The following PDE10A variants were observed in gnomAD, a reference collection of about 807,000 sequenced individuals.
PDE10A encodes cAMP and cAMP-inhibited cGMP 3',5'-cyclic phosphodiesterase 10A.
Under a neutral mutation model 97.7 loss-of-function variants are expected in PDE10A, and 39 were observed. The observed-to-expected ratio is 0.40, with a 90% CI of 0.31 to 0.52. The LOEUF (loss-of-function observed/expected upper bound fraction) is 0.52. Ranked by LOEUF, PDE10A falls within the 20% of genes least tolerant of loss-of-function variation. The pLI, the probability that PDE10A is intolerant of heterozygous loss-of-function variation, is 0.56. For synonymous variants in PDE10A, 371 were observed against 376.8 expected (o/e 0.98, Z 0.18); for missense variants, 731 against 1,047.8 (o/e 0.70, Z 4.17).
At chr6:165,497,440 A>G (rs2128292465) in intron 2 of PDE10A, among the ~76,000 whole-genome samples, 1 of 152,324 alleles carries the variant, frequency 6.6e-6, no homozygotes, top group East Asian at 1.9e-4. Context: ...GAGATGAGAA[A>G]TATGAATATA....
intron 1 of PDE10A, among the ~76,000 whole-genome samples, chr6:165,706,759 A>G (rs558176801): frequency 6.6e-6 from 1 of 152,348 alleles, no homozygotes; most frequent in South Asian, 2.1e-4. Flanking sequence ...ATTTTAATTT[A>G]CCATTCAGAC....
intron 2 of PDE10A, among the ~76,000 whole-genome samples, chr6:165,528,818 T>A (rs1016376688): frequency 6.6e-6 from 1 of 152,182 alleles, no homozygotes; most frequent in Admixed American, 6.5e-5. Flanking sequence ...AATGGCCTTT[T>A]GAAGTCACAA....
chr6:165,336,055 C>T (rs1239788293), intron 21 of PDE10A, 68 bp downstream of exon 21: 9 of 1,231,132 alleles, frequency 7.3e-6, no homozygotes, highest in African/African-American at 1.5e-5. Context: ...TAGTGGGGTA[C>T]AAAAATCCTA....
rs1211089384 is a variant in PDE10A at position 165,384,627 on chromosome 6, A to AGT, written c.2610+3669_2610+3670dup. Among the ~76,000 whole-genome samples, 16 of 60,654 alleles carry AGT rather than the reference A, an allele frequency of 2.6e-4. 2 individuals carry two copies. Among genetic ancestry groups the AGT allele is most frequent in the Middle Eastern group, 8.2e-3 (1 of 122 alleles). 39.8% of individuals were successfully genotyped at this position (60,654 alleles called of 152,430 possible). A position where few individuals can be genotyped will look rare whatever the true frequency, so the allele number is the denominator to read the frequency against. On this transcript the variant is annotated intron_variant, in intron 17 of 21. Transcript: ENST00000539869. Reference sequence around the variant, plus strand: ...TGAGTAACGTGTGTGTGTATGTGTGAGTGAGTGTGTGTGTGTGTGTGTGTG... The same window carrying AGT: ...TGAGTAACGTGTGTGTGTATGTGTGAGTGTGAGTGTGTGTGTGTGTGTGTGTG...
intron 1 of PDE10A, among the ~76,000 whole-genome samples, chr6:165,862,921 C>CT (rs1270006928): frequency 6.6e-6 from 1 of 152,232 alleles, no homozygotes; most frequent in African/African-American, 2.4e-5. Context: ...CTCAAGTGAT[C>CT]TGCCCGCCTT....
In PDE10A at chr6:165,983,483, C is replaced by T. The variant is rs546969635; in HGVS notation, c.-615+4046G>A. ...TGTTCAAAGTTCCCACCACACTCCTCTCTAGGCAGCCTATATGCCTATCAG... is the reference window on the plus strand; with the variant it reads ...TGTTCAAAGTTCCCACCACACTCCTTTCTAGGCAGCCTATATGCCTATCAG... On this transcript the variant is annotated intron_variant, in intron 1 of 19. Transcript: ENST00000366882. Among the ~76,000 whole-genome samples the T allele has an allele frequency of 1.1e-4, 17 of 152,322 alleles. 1 individual carries two copies. The South Asian group carries it at 2.5e-3, about 22-fold the overall frequency.
intron 15 of PDE10A, among the ~76,000 whole-genome samples, chr6:165,394,480 G>A (rs976267637): frequency 5.3e-5 from 8 of 152,150 alleles, no homozygotes; most frequent in African/African-American, 1.9e-4. Context: ...ATGGGCATTT[G>A]GGTTGGTTCC....
intron 1 of PDE10A, among the ~76,000 whole-genome samples, chr6:165,544,603 G>C (rs1010056931): frequency 1.3e-5 from 2 of 149,438 alleles, no homozygotes; most frequent in Admixed American, 1.3e-4. Context: ...ATGAAAAACT[G>C]CACTCTGAGA....
chr6:165,854,634 G>C (rs923089136), intron 1 of PDE10A, among the ~76,000 whole-genome samples: 2 of 152,182 alleles, frequency 1.3e-5, no homozygotes, highest in Non-Finnish European at 2.9e-5. Context: ...TGAGGGGAGC[G>C]GGTGGCGAAG....
chr6:165,912,359 G>A (rs1042367251), intron 1 of PDE10A, among the ~76,000 whole-genome samples: 6 of 152,122 alleles, frequency 3.9e-5, no homozygotes, highest in South Asian at 2.1e-4. Flanking sequence ...ATTAACACCC[G>A]CAGTGTTGTG....
At chr6:165,427,118 C>G (rs372885293) in intron 10 of PDE10A, among the ~76,000 whole-genome samples, 1 of 152,016 alleles carries the variant, frequency 6.6e-6, no homozygotes, top group Non-Finnish European at 1.5e-5. Context: ...TAGATATATA[C>G]CCCAAACAAT....
At chr6:165,915,251 T>C (rs1782572687) in intron 1 of PDE10A, among the ~76,000 whole-genome samples, 1 of 152,174 alleles carries the variant, frequency 6.6e-6, no homozygotes, top group Non-Finnish European at 1.5e-5. Flanking sequence ...TCAAGGCTGA[T>C]TCTGGGGGAC....
intron 1 of PDE10A, among the ~76,000 whole-genome samples, chr6:165,621,539 C>A (rs1356016668): frequency 2.0e-4 from 31 of 152,038 alleles, no homozygotes; most frequent in Admixed American, 2.0e-3. Flanking sequence ...AGGTGGATCA[C>A]AAGGTCAGGA....
chr6:165,787,399 C>G (rs1327902265), intron 1 of PDE10A, among the ~76,000 whole-genome samples: 1 of 152,076 alleles, frequency 6.6e-6, no homozygotes, highest in Non-Finnish European at 1.5e-5. Context: ...GGTGCTCTGG[C>G]CTGGTGAGCA....
chr6:165,880,612 A>T (rs1209507504), intron 1 of PDE10A, among the ~76,000 whole-genome samples: 1 of 152,240 alleles, frequency 6.6e-6, no homozygotes, highest in African/African-American at 2.4e-5. Flanking sequence ...TTGAAAGTGT[A>T]GAGTCCTTTA....
rs545149187 is a variant in PDE10A, at chr6:165,542,612, CTTTTT to C, written c.994+823_994+827del. On this transcript the variant is annotated intron_variant, in intron 2 of 21. Coordinates refer to ENST00000539869, the MANE Select transcript of PDE10A (RefSeq NM_001385079.1). ...TTTAGGTCAAAAAGATGTCCTTGTT[CTTTTT>C]TTTTTTTTTTTTTTTTTTTTTGAGA... is the stretch of plus-strand genomic sequence containing the variant. 1.8e-3 allele frequency among the ~76,000 whole-genome samples: 135 copies of C among 76,450 alleles called. 1 individual carries two copies. The highest frequency in any genetic ancestry group is 2.8e-3 in the Non-Finnish European group (106 of 38,216). 50.2% of individuals were successfully genotyped at this position (76,450 alleles called of 152,430 possible).
chr6:165,475,216 C>G (rs923619936), intron 3 of PDE10A, among the ~76,000 whole-genome samples: 9 of 152,156 alleles, frequency 5.9e-5, no homozygotes, highest in Admixed American at 4.6e-4. Flanking sequence ...TTTCCTATAA[C>G]AAAACTGATT....
chr6:165,654,433 G>C (rs529307364), intron 1 of PDE10A, among the ~76,000 whole-genome samples: 1 of 151,764 alleles, frequency 6.6e-6, no homozygotes, highest in East Asian at 1.9e-4. Flanking sequence ...GAGAAATGGC[G>C]GTCAGAAGCT....
chr6:165,905,856 C>T (rs978426029), intron 1 of PDE10A, among the ~76,000 whole-genome samples: 29 of 152,060 alleles, frequency 1.9e-4, no homozygotes, highest in African/African-American at 6.8e-4. Flanking sequence ...AATAACCTTA[C>T]CTAGTTCTAG....
Sources: allele counts gnomAD v4.1 joint callset (sites outside exome capture counted in the v4.1 genomes callset), GRCh38; gene constraint gnomAD v4.1.1; transcripts MANE v1.5; gene names NCBI Gene and HGNC (gene_info 2026-07-23, HGNC 2026-07-21).